CTNNA3: variants seen among roughly 807,000 people sequenced by gnomAD.
The protein encoded by CTNNA3 is catenin alpha 3.
A neutral mutation model predicts 95.7 loss-of-function variants in CTNNA3; 76 were observed. The ratio of observed to expected loss-of-function variants is 0.79; its 90% CI spans 0.66 to 0.96. The LOEUF (loss-of-function observed/expected upper bound fraction) is 0.96. Ranked by LOEUF, CTNNA3 falls within the 40% of genes least tolerant of loss-of-function variation. CTNNA3 has a pLI of 0.00. For synonymous variants in CTNNA3, 431 were observed against 374.4 expected (o/e 1.15, Z -1.74); for missense variants, 1,191 against 1,089.8 (o/e 1.09, Z -1.31).
intron 5 of CTNNA3, among the ~76,000 whole-genome samples, chr10:67,327,928 C>T (rs774108941): frequency 3.9e-5 from 6 of 152,056 alleles, no homozygotes; most frequent in Non-Finnish European, 7.4e-5. Flanking sequence ...CTCTGTGCCT[C>T]GCAAGCAGGA....
At chr10:66,824,638 G>A (rs2132301162) in intron 7 of CTNNA3, among the ~76,000 whole-genome samples, 1 of 152,262 alleles carries the variant, frequency 6.6e-6, no homozygotes, top group Non-Finnish European at 1.5e-5. Context: ...AATTGTGGAT[G>A]GAACTTCCAT....
At chr10:66,278,176 A>G (rs1048013505) in intron 13 of CTNNA3, among the ~76,000 whole-genome samples, 2 of 136,764 alleles carry the variant, frequency 1.5e-5, no homozygotes, top group African/African-American at 5.5e-5. Flanking sequence ...GGATGCATAC[A>G]TAGGCATACA....
intron 11 of CTNNA3, among the ~76,000 whole-genome samples, chr10:66,512,938 CT>C (rs1187588242): frequency 4.6e-5 from 7 of 151,830 alleles, no homozygotes; most frequent in Non-Finnish European, 7.4e-5. Flanking sequence ...TTAGAATTCC[CT>C]TTTTGTCTTT....
At chr10:66,310,209 T>G (rs925704178) in intron 12 of CTNNA3, among the ~76,000 whole-genome samples, 7 of 152,158 alleles carry the variant, frequency 4.6e-5, no homozygotes, top group African/African-American at 1.7e-4. Flanking sequence ...CATCAGATAT[T>G]AAGCCTTTGG....
intron 7 of CTNNA3, among the ~76,000 whole-genome samples, chr10:67,146,497 A>G (rs900301110): frequency 1.3e-5 from 2 of 152,204 alleles, no homozygotes; most frequent in African/African-American, 4.8e-5. Flanking sequence ...ATAGCCACAC[A>G]TATTATAGCA....
At chr10:66,313,131 T>A (rs1564858702) in intron 12 of CTNNA3, among the ~76,000 whole-genome samples, 1 of 152,164 alleles carries the variant, frequency 6.6e-6, no homozygotes, top group Non-Finnish European at 1.5e-5. Context: ...ACGGAGCACT[T>A]CCTATGGGCT....
chr10:67,692,068 G>A (rs1186536213), intron 1 of CTNNA3, among the ~76,000 whole-genome samples: 1 of 139,912 alleles, frequency 7.1e-6, no homozygotes, highest in African/African-American at 2.8e-5. Flanking sequence ...GGAGGGAGGT[G>A]GGGGGGTCAG....
intron 15 of CTNNA3, among the ~76,000 whole-genome samples, chr10:66,050,313 C>A (rs2079920602): frequency 6.7e-6 from 1 of 148,232 alleles, no homozygotes; most frequent in African/African-American, 2.5e-5. Context: ...TCAGAATTAT[C>A]TTTTTCCTTT....
intron 7 of CTNNA3, among the ~76,000 whole-genome samples, chr10:66,929,912 A>G (rs1213405837): frequency 3.3e-5 from 5 of 152,206 alleles, no homozygotes; most frequent in Admixed American, 6.5e-5. Context: ...CAGTTCTATT[A>G]TAGAAGCAAA....
intron 5 of CTNNA3, among the ~76,000 whole-genome samples, chr10:67,416,788 C>CA (rs977349291): frequency 2.6e-5 from 4 of 151,556 alleles, no homozygotes; most frequent in Non-Finnish European, 4.4e-5. Context: ...ATTAAAGAGC[C>CA]AAAAAAACAA....
chr10:66,470,024 A>T (rs1244330699), intron 11 of CTNNA3, among the ~76,000 whole-genome samples: 1 of 151,864 alleles, frequency 6.6e-6, no homozygotes, highest in Non-Finnish European at 1.5e-5. Flanking sequence ...AAATATTTTG[A>T]GAAGGATCCA....
At chr10:66,982,066 C>A (rs1318676685) in intron 7 of CTNNA3, among the ~76,000 whole-genome samples, 1 of 152,188 alleles carries the variant, frequency 6.6e-6, no homozygotes, top group African/African-American at 2.4e-5. Context: ...ATACACATAA[C>A]ATTAGATAGA....
chr10:67,742,976 C>T (rs1841351063), intron 1 of CTNNA3, among the ~76,000 whole-genome samples: 2 of 151,244 alleles, frequency 1.3e-5, no homozygotes, highest in Admixed American at 6.6e-5. Flanking sequence ...TCTGAACAGA[C>T]CAATAACGGG....
intron 9 of CTNNA3, among the ~76,000 whole-genome samples, chr10:66,763,435 C>T (rs568932189): frequency 2.4e-4 from 36 of 150,474 alleles, no homozygotes; most frequent in African/African-American, 8.3e-4. Flanking sequence ...TTTTTATTTT[C>T]TCCTGTTATA....
intron 1 of CTNNA3, among the ~76,000 whole-genome samples, chr10:67,721,197 T>C (rs1841178105): frequency 6.6e-6 from 1 of 152,158 alleles, no homozygotes. Context: ...AATTTGAATG[T>C]TGGCCTGTCT....
chr10:66,345,254 C>A lies in CTNNA3; in HGVS notation c.1732+33898G>T, dbSNP rs571480669. 2.8e-4 allele frequency among the ~76,000 whole-genome samples: 43 copies of A among 152,180 alleles called. No individual in the cohort carries two copies. In the South Asian group the frequency reaches 8.5e-3, roughly 30 times the overall value. ...ATAAAGGCTAGAATGTAGTTTATAG[C>A]AAATTTGGCCCACTGCAGTGGAATT... On this transcript the variant is annotated intron_variant, in intron 12 of 17. Transcript: ENST00000433211.
chr10:67,038,232 G>C (rs1564847249), intron 7 of CTNNA3, among the ~76,000 whole-genome samples: 2 of 151,958 alleles, frequency 1.3e-5, no homozygotes, highest in Non-Finnish European at 2.9e-5. Context: ...TGTTGTTGTT[G>C]ATTAGCCATT....
At chr10:67,298,646 T>C (rs1319536736) in intron 5 of CTNNA3, among the ~76,000 whole-genome samples, 2 of 152,238 alleles carry the variant, frequency 1.3e-5, no homozygotes, top group Non-Finnish European at 2.9e-5. Flanking sequence ...GTGTTACTTA[T>C]GGTAAACCTG....
intron 11 of CTNNA3, among the ~76,000 whole-genome samples, chr10:66,434,619 C>T (rs7478419): frequency 0.38 from 58,087 of 151,846 alleles, 11,667 homozygotes; most frequent in African/African-American, 0.5. Flanking sequence ...CCTCTCCTCC[C>T]ACTTGAATAT....
Sources: gnomAD v4.1 joint callset for allele counts (sites outside exome capture counted in the v4.1 genomes callset) on GRCh38, gnomAD v4.1.1 for gene constraint, MANE v1.5 for transcripts, NCBI Gene and HGNC (gene_info 2026-07-23, HGNC 2026-07-21) for gene names.